The following PHTF1 variants were observed in gnomAD, a reference collection of about 807,000 sequenced individuals.
The protein encoded by PHTF1 is protein PHTF1.
PHTF1 carries 88 observed loss-of-function variants against 102.4 expected under a neutral mutation model. The observed-to-expected ratio is 0.86, with a 90% confidence interval of 0.72 to 1.03. PHTF1 has a LOEUF of 1.03. PHTF1 is among the 50% of genes least tolerant of loss of function. The pLI, the probability that PHTF1 is intolerant of heterozygous loss-of-function variation, is 0.00. For missense variants in PHTF1, 814 were observed against 909.5 expected (o/e 0.89, Z 1.35); for synonymous variants, 289 against 305.2 (o/e 0.95, Z 0.55).
At chr1:113,741,883 T>G (rs1656419671) in intron 3 of PHTF1, among the ~76,000 whole-genome samples, 1 of 152,056 alleles carries the variant, frequency 6.6e-6, no homozygotes, top group African/African-American at 2.4e-5. Flanking sequence ...GGGACAGAAA[T>G]CATTAATAAA....
chr1:113,713,198 A>C, intron 8 of PHTF1, 81 bp downstream of exon 8: 1 of 1,284,232 alleles, frequency 7.8e-7, no homozygotes, highest in South Asian at 1.2e-5. Flanking sequence ...ACTAGTACCT[A>C]TTTTATATCT....
chr1:113,742,358 T>A (rs1656508217), intron 3 of PHTF1, among the ~76,000 whole-genome samples: 2 of 152,154 alleles, frequency 1.3e-5, no homozygotes, highest in South Asian at 4.1e-4. Flanking sequence ...GCGCGGTGGC[T>A]CACACTTGTA....
At chr1:113,715,704 AATTCAAGAATACAC>A (rs1436989372) in intron 7 of PHTF1, among the ~76,000 whole-genome samples, 1 of 150,492 alleles carries the variant, frequency 6.6e-6, no homozygotes, top group African/African-American at 2.4e-5. Flanking sequence ...AACTCAAACA[AATTCAAGAATACAC>A]AGAAGGAATT....
intron 15 of PHTF1, among the ~76,000 whole-genome samples, 163 bp from the exon 16 acceptor site, chr1:113,701,112 A>G (rs1649392170): frequency 6.6e-6 from 1 of 152,238 alleles, no homozygotes; most frequent in African/African-American, 2.4e-5. Flanking sequence ...TTATTTAATC[A>G]CTATATATTT....
chr1:113,713,777 G>A (rs1415102396), intron 7 of PHTF1: 5 of 211,098 alleles, frequency 2.4e-5, no homozygotes, highest in Admixed American at 5.9e-5. Flanking sequence ...CACTCCACTA[G>A]CCCAGTAGAC....
At chr1:113,703,351 C>A (rs550774590) in intron 15 of PHTF1, among the ~76,000 whole-genome samples, 2 of 152,148 alleles carry the variant, frequency 1.3e-5, no homozygotes, top group Non-Finnish European at 1.5e-5. Flanking sequence ...CAATAAAATT[C>A]AAAAAATATA....
At chr1:113,708,327 G>A (rs1174179750) in intron 11 of PHTF1, among the ~76,000 whole-genome samples, 1 of 152,160 alleles carries the variant, frequency 6.6e-6, no homozygotes, top group Non-Finnish European at 1.5e-5. Flanking sequence ...GCGACTAAGG[G>A]TGGAAAGAAT....
At position 113,726,056 on chromosome 1, in the gene PHTF1, C is replaced by T. The variant is rs112356620; in HGVS notation, c.488+362G>A. ...AAGGTAAAATTTTGGTAGCGCTAAC[C>T]AAATGTACCAAGATCCTTGTTTACA... On this transcript the variant is annotated intron_variant, in intron 6 of 18. Coordinates refer to ENST00000369604, the MANE Select transcript of PHTF1 (RefSeq NM_001323043.2). 466 of 161,240 alleles carry T rather than the reference C, an allele frequency of 2.9e-3. 2 individuals carry two copies. Among genetic ancestry groups the T allele is most frequent in the Non-Finnish European group, 4.5e-3 (336 of 73,982 alleles). 10.0% of individuals were successfully genotyped at this position (161,240 alleles called of 1,614,324 possible). A position where few individuals can be genotyped will look rare whatever the true frequency, so the allele number is the denominator to read the frequency against.
rs1337846694 is a variant in PHTF1, at chr1:113,698,361, A to C, written c.2169T>G (p.Tyr723Ter). The C allele has an allele frequency of 1.2e-6, 2 of 1,611,566 alleles. No homozygotes were observed. The highest frequency in any genetic ancestry group is 1.7e-6 in the Non-Finnish European group (2 of 1,177,940). Reference protein sequence around the residue: ...LKELDTPFRLYGLTMNPLIYN... With the variant: ...LKELDTPFRL Reference sequence around the variant, plus strand: ...AGATTAAGGGATTCATTGTCAGTCCATAGAGTCTAAATGGTGTGTCCAGCT... The same window carrying C: ...AGATTAAGGGATTCATTGTCAGTCCCTAGAGTCTAAATGGTGTGTCCAGCT... The change falls in exon 18 of 19, where the codon TAT becomes TAG. Residue 723 changes from tyrosine (Y) to a stop codon, truncating the protein, a stop_gained. Coordinates refer to ENST00000369604, the MANE Select transcript of PHTF1 (RefSeq NM_001323043.2). LOFTEE classifies it high-confidence loss of function.
chr1:113,721,165 A>G (rs755594749), intron 7 of PHTF1, among the ~76,000 whole-genome samples: 16 of 152,210 alleles, frequency 1.1e-4, no homozygotes, highest in Non-Finnish European at 1.8e-4. Context: ...ACGACCAAGT[A>G]GGGTTATACC....
At chr1:113,710,514 T>C in intron 10 of PHTF1, 39 bp from the exon 11 acceptor site, 5 of 1,452,364 alleles carry the variant, frequency 3.4e-6, no homozygotes, top group Non-Finnish European at 4.8e-6. Flanking sequence ...GTTATTCATC[T>C]TTAAAAATAA....
At chr1:113,706,816 T>A in intron 11 of PHTF1, 94 bp from the exon 12 acceptor site, 2 of 677,218 alleles carry the variant, frequency 3.0e-6, no homozygotes, top group Non-Finnish European at 4.9e-6. Context: ...AACACTCTAA[T>A]AACCACCTCT....
At chr1:113,714,861 G>T (rs1271873479) in intron 7 of PHTF1, 1 of 152,352 alleles carries the variant, frequency 6.6e-6, no homozygotes, top group East Asian at 1.9e-4. Flanking sequence ...ACCCAGGCCA[G>T]TCCCAGTATT....
intron 3 of PHTF1, chr1:113,746,731 ACAT>A (rs1213501299): frequency 5.1e-6 from 1 of 195,736 alleles, no homozygotes; most frequent in African/African-American, 2.4e-5. Context: ...TACTCAGGTA[ACAT>A]CATTTAATGT....
At chr1:113,727,820 A>C (rs990271738) in intron 5 of PHTF1, among the ~76,000 whole-genome samples, 1 of 152,076 alleles carries the variant, frequency 6.6e-6, no homozygotes, top group Non-Finnish European at 1.5e-5. Context: ...CAAAAAAATT[A>C]GCCAAACATG....
chr1:113,759,855 G>A (rs1042602453), upstream of PHTF1, among the ~76,000 whole-genome samples: 3 of 152,194 alleles, frequency 2.0e-5, no homozygotes, highest in Admixed American at 2.0e-4. Flanking sequence ...CAGAGACTGG[G>A]GCCTGGCACA....
Position 113,704,665 on chromosome 1 carries a change from C to G in PHTF1, c.1803+1G>C. On this transcript the variant is annotated splice_donor_variant, in intron 14 of 18. Coordinates refer to ENST00000369604, the MANE Select transcript of PHTF1 (RefSeq NM_001323043.2). LOFTEE classifies it high-confidence loss of function. ...TCTATTGTTAATCAAATAAAACTCA[C>G]CTTTAGATAGGAACGCAGTGATAAC... 1 of 1,579,404 alleles carries G rather than the reference C, an allele frequency of 6.3e-7. No homozygotes were observed.
At chr1:113,723,097 T>C (rs555694969) in intron 7 of PHTF1, among the ~76,000 whole-genome samples, 3 of 151,692 alleles carry the variant, frequency 2.0e-5, no homozygotes, top group South Asian at 4.2e-4. Context: ...CAAAGGAGCA[T>C]GGTAGTGGCA....
intron 3 of PHTF1, among the ~76,000 whole-genome samples, chr1:113,755,135 A>G (rs1170077092): frequency 1.3e-5 from 2 of 151,864 alleles, no homozygotes; most frequent in Non-Finnish European, 2.9e-5. Flanking sequence ...CTGTGATATG[A>G]TGTTAATATT....
Sources: gnomAD v4.1 joint callset for allele counts (sites outside exome capture counted in the v4.1 genomes callset) on GRCh38, gnomAD v4.1.1 for gene constraint, MANE v1.5 for transcripts, NCBI Gene and HGNC (gene_info 2026-07-23, HGNC 2026-07-21) for gene names.